ZNF236: variants seen among roughly 807,000 people sequenced by gnomAD.
ZNF236 encodes the protein zinc finger protein 236.
Under a neutral mutation model 191.2 loss-of-function variants are expected in ZNF236, and 50 were observed. The observed-to-expected ratio is 0.26, with a 90% confidence interval of 0.21 to 0.33. The LOEUF is 0.33. Ranked by LOEUF, ZNF236 falls within the 10% of genes least tolerant of loss-of-function variation. The pLI is 1.00. For synonymous variants in ZNF236, 907 were observed against 928.8 expected, an observed-to-expected ratio of 0.98 and a Z score of 0.43; for missense variants, 1,754 against 2,374.5, an observed-to-expected ratio of 0.74 and a Z score of 5.43.
intron 28 of ZNF236, among the ~76,000 whole-genome samples, chr18:76,958,223 G>A (rs138492197): frequency 6.6e-6 from 1 of 152,348 alleles, no homozygotes; most frequent in Non-Finnish European, 1.5e-5. Flanking sequence ...CTTATTTGAT[G>A]ATGAAATTCT....
rs78812248 is a variant in ZNF236 at position 76,951,770 on chromosome 18, G to A, written c.4914+4118G>A. ...CTTTCAGCCTGTCTCAGCTCTCTGC[G>A]TGCCTTCCTCATTAAGCTTAATCAT... On this transcript the variant is annotated intron_variant, in intron 27 of 30. Transcript: ENST00000320610. Among the ~76,000 whole-genome samples the A allele has an allele frequency of 1.7e-3, 260 of 152,296 alleles. 2 individuals carry two copies. The highest frequency in any genetic ancestry group is 5.9e-3 in the African/African-American group (245 of 41,564).
chr18:76,886,059 C>G (rs1482151181), intron 9 of ZNF236: 1 of 152,248 alleles, frequency 6.6e-6, no homozygotes, highest in African/African-American at 2.4e-5. Flanking sequence ...GTGGAGTCTA[C>G]AGATTCCTCA....
At chr18:76,957,593 G>T (rs1968553063) in intron 28 of ZNF236, among the ~76,000 whole-genome samples, 1 of 152,114 alleles carries the variant, frequency 6.6e-6, no homozygotes, top group African/African-American at 2.4e-5. Flanking sequence ...CAGGTCACAG[G>T]GGATTGTTGT....
intron 20 of ZNF236, among the ~76,000 whole-genome samples, chr18:76,920,402 T>C (rs1443397606): frequency 6.6e-6 from 1 of 151,614 alleles, no homozygotes; most frequent in African/African-American, 2.4e-5. Context: ...AAATACAAAA[T>C]TAGGTGGGTG....
In ZNF236 at chr18:76,838,324, C is replaced by T. The variant is rs75845030; in HGVS notation, c.56-11202C>T. On this transcript the variant is annotated intron_variant, in intron 1 of 30. Coordinates refer to ENST00000320610, the MANE Select transcript of ZNF236 (RefSeq NM_001306089.2). ...TTTAGGGAGATTATGGTTAAGTAAA[C>T]ATTAGAGCTTTTTACTGTAGAAAAT... Among the ~76,000 whole-genome samples, 345 of 152,306 alleles carry T rather than the reference C, an allele frequency of 2.3e-3. 12 individuals carry two copies. The East Asian group carries it at 0.062, about 27-fold the overall frequency.
chr18:76,899,133 A>G lies in ZNF236; in HGVS notation c.1805A>G (p.Gln602Arg). The change falls in exon 11 of 31, where the codon CAG becomes CGG. Residue 602 changes from glutamine (Q) to arginine (R), a missense_variant. This residue lies in a region of ZNF236 where 641 missense variants were observed against 869.6 expected (regional missense o/e 0.74). Coordinates refer to ENST00000320610, the MANE Select transcript of ZNF236 (RefSeq NM_001306089.2). ...ACGGAATTAAGGAAAATGAGGCACC[A>G]GCGTAAACCTGCAAAGGTCCGTGTT... ...KHTELRKMRH[Q>R]RKPAKVRVGK... is the part of the protein sequence containing the mutation. 2 of 1,614,222 alleles carry G rather than the reference A, an allele frequency of 1.2e-6. No homozygotes were observed. Among genetic ancestry groups the G allele is most frequent in the Non-Finnish European group, 1.7e-6 (2 of 1,180,022 alleles).
chr18:76,943,122 CA>C (rs530931580), intron 26 of ZNF236, among the ~76,000 whole-genome samples: 23 of 85,858 alleles, frequency 2.7e-4, no homozygotes, highest in East Asian at 7.1e-4. Flanking sequence ...GACTCCGTCT[CA>C]AAAAAAAAAA....
rs1230357563 is a variant in ZNF236 at position 76,880,274 on chromosome 18, G to A, written c.1146G>A (p.Gln382=). The A allele has an allele frequency of 6.2e-7, 1 of 1,614,004 alleles. No individual in the cohort carries two copies. Among genetic ancestry groups the A allele is most frequent in the South Asian group, 1.1e-5 (1 of 91,058 alleles). Residue 382 remains glutamine, a synonymous_variant, in exon 8 of 31, where the codon CAG becomes CAA. Transcript: ENST00000320610. The surrounding 1 kb of genome is among the most constrained non-coding windows in gnomAD (Gnocchi z 5.0). The part of the protein sequence containing the change: ...VESGQSPQPG[Q]QLSITVGINQ... ...CGGGGCAGTCCCCGCAGCCTGGGCA[G>A]CAGCTGAGCATCACAGTGGGCATCA...
intron 25 of ZNF236, chr18:76,935,950 A>C (rs373993479): frequency 5.9e-5 from 27 of 456,426 alleles, no homozygotes; most frequent in African/African-American, 5.0e-4. Context: ...CGAGCCTCCC[A>C]GCCTGCTAAT....
At chr18:76,958,757 G>A (rs975156711) in intron 28 of ZNF236, among the ~76,000 whole-genome samples, 12 of 152,160 alleles carry the variant, frequency 7.9e-5, no homozygotes, top group Admixed American at 1.3e-4. Context: ...CTGCAGTGCT[G>A]GGAAGGCTCC....
intron 27 of ZNF236, among the ~76,000 whole-genome samples, chr18:76,951,171 G>A (rs1357361051): frequency 2.0e-5 from 3 of 152,246 alleles, no homozygotes; most frequent in South Asian, 4.1e-4. Context: ...TGGTAAATGA[G>A]CATTGGCTTC....
chr18:76,908,703 T>C (rs1967128029), intron 14 of ZNF236, 130 bp downstream of exon 14: 1 of 1,182,546 alleles, frequency 8.5e-7, no homozygotes, highest in African/African-American at 1.5e-5. Context: ...TGAAAGAGAT[T>C]GAATTGAGTA....
At chr18:76,835,200 G>A (rs1391307209) in intron 1 of ZNF236, among the ~76,000 whole-genome samples, 1 of 152,108 alleles carries the variant, frequency 6.6e-6, no homozygotes. Context: ...TATTGCAAAA[G>A]ATGTGGCTAA....
At chr18:76,840,614 A>G (rs1975454866) in intron 1 of ZNF236, among the ~76,000 whole-genome samples, 1 of 147,008 alleles carries the variant, frequency 6.8e-6, no homozygotes, top group East Asian at 2.1e-4. Context: ...ACACCTGGGT[A>G]AAGGTGAATT....
At chr18:76,952,173 A>G (rs1968425564) in intron 27 of ZNF236, among the ~76,000 whole-genome samples, 1 of 152,236 alleles carries the variant, frequency 6.6e-6, no homozygotes, top group African/African-American at 2.4e-5. Context: ...ACTTGCTCGA[A>G]GCAGCCTCGC....
intron 1 of ZNF236, among the ~76,000 whole-genome samples, chr18:76,844,614 C>G (rs929987557): frequency 5.8e-4 from 88 of 152,286 alleles, no homozygotes; most frequent in African/African-American, 2.1e-3. Flanking sequence ...ATATGAAATA[C>G]ATCATTAAGA....
chr18:76,959,478 T>A (rs890982023), intron 28 of ZNF236, among the ~76,000 whole-genome samples: 4 of 152,222 alleles, frequency 2.6e-5, no homozygotes, highest in Non-Finnish European at 5.9e-5. Flanking sequence ...AAAGCTCAGA[T>A]GGGGACCGGA....
chr18:76,913,180 T>G (rs1967264118), intron 17 of ZNF236, among the ~76,000 whole-genome samples: 2 of 152,238 alleles, frequency 1.3e-5, no homozygotes, highest in Non-Finnish European at 2.9e-5. Flanking sequence ...TTTTGAAATT[T>G]ATAATTATTT....
intron 25 of ZNF236, among the ~76,000 whole-genome samples, chr18:76,931,964 C>T (rs1398750524): frequency 3.9e-5 from 6 of 152,182 alleles, no homozygotes; most frequent in African/African-American, 7.2e-5. Flanking sequence ...TTAATTGAAA[C>T]GACCTCTTGT....
Sources: gnomAD v4.1 joint callset for allele counts (sites outside exome capture counted in the v4.1 genomes callset) on GRCh38, gnomAD v4.1.1 for gene constraint, gnomAD v4.1.1 regional missense constraint, Gnocchi (gnomAD v3.1) non-coding constraint, MANE v1.5 for transcripts, NCBI Gene and HGNC (gene_info 2026-07-23, HGNC 2026-07-21) for gene names.